The following SFMBT1 variants were observed in gnomAD, a reference collection of about 807,000 sequenced individuals.
The protein encoded by SFMBT1 is scm-like with four MBT domains protein 1.
A neutral mutation model predicts 108.7 loss-of-function variants in SFMBT1; 32 were observed. The ratio of observed to expected loss-of-function variants is 0.29; its 90% confidence interval spans 0.22 to 0.40. SFMBT1 has a LOEUF of 0.40. Among genes scored for constraint, SFMBT1 ranks in the 10% least tolerant of loss-of-function variants. The probability of loss-of-function intolerance (pLI) is 1.00; values close to 1 mark genes in which losing one functional copy is unlikely to be tolerated. For missense variants in SFMBT1, 816 were observed against 1,059.6 expected, an observed-to-expected ratio of 0.77 and a Z score of 3.19; for synonymous variants, 348 against 369.5, an observed-to-expected ratio of 0.94 and a Z score of 0.67.
chr3:53,025,947 ATTTTGCTTTCTCT>A (rs1306205212), intron 1 of SFMBT1, among the ~76,000 whole-genome samples: 1 of 152,166 alleles, frequency 6.6e-6, no homozygotes, highest in East Asian at 1.9e-4. Context: ...TTGAAAACTG[ATTTTGCTTTCTCT>A]CAGTGTTGGG....
intron 1 of SFMBT1, chr3:53,043,154 T>G (rs544147761): frequency 2.0e-5 from 3 of 152,268 alleles, no homozygotes; most frequent in Non-Finnish European, 4.4e-5. Flanking sequence ...ACCCATCTCC[T>G]TTACAGTAGG....
Position 52,934,839 on chromosome 3 carries a change from T to C in SFMBT1, c.427A>G (p.Ser143Gly), listed in dbSNP as rs545932380. 1.1e-5 allele frequency: 18 copies of C among 1,613,708 alleles called. No individual in the cohort carries two copies. The Admixed American group carries it at 2.5e-4, about 22-fold the overall frequency. Reference protein sequence around the residue: ...FLRQTLIGACSPPVPLLEGLR... With the variant: ...FLRQTLIGACGPPVPLLEGLR... ...CCCTCTAGCAGCGGAACAGGAGGACTACATGCTCCTATCAGGGTCTGCCGC... is the reference window on the plus strand; with the variant it reads ...CCCTCTAGCAGCGGAACAGGAGGACCACATGCTCCTATCAGGGTCTGCCGC... The change falls in exon 5 of 21, where the codon AGT becomes GGT. Residue 143 changes from serine (S) to glycine (G), a missense_variant. Around this residue, in one of 5 missense-constraint regions of SFMBT1, gnomAD observed 495 missense variants for 607.4 expected, o/e 0.81. Transcript: ENST00000394752.
intron 20 of SFMBT1, 103 bp from the exon 21 acceptor site, chr3:52,905,379 A>G (rs1702040858): frequency 8.3e-7 from 1 of 1,207,318 alleles, no homozygotes; most frequent in Non-Finnish European, 1.1e-6. Context: ...TGGAATCCCT[A>G]TGCTTTCCTT....
chr3:52,969,389 A>C, intron 1 of SFMBT1, 131 bp from the exon 2 acceptor site: 1 of 872,322 alleles, frequency 1.1e-6, no homozygotes, highest in East Asian at 3.4e-5. Context: ...ATAGGACTGG[A>C]GGAAAAAATT....
intron 15 of SFMBT1, among the ~76,000 whole-genome samples, 178 bp from the exon 16 acceptor site, chr3:52,912,825 A>G (rs1368863102): frequency 6.6e-6 from 1 of 152,246 alleles, no homozygotes; most frequent in African/African-American, 2.4e-5. Flanking sequence ...CCAAAGGTGC[A>G]GATAAGAGAG....
At position 52,907,165 on chromosome 3, in the gene SFMBT1, C is replaced by G; in HGVS notation, c.2235G>C (p.Glu745Asp). 1 of 1,614,200 alleles carries G rather than the reference C, an allele frequency of 6.2e-7. No homozygotes were observed. The highest frequency in any genetic ancestry group is 8.5e-7 in the Non-Finnish European group (1 of 1,180,028). The part of the protein sequence containing the change: ...KSCSSSPTQS[E>D]ISTSLPPDRQ... ...TATCTGGAGGCAGCGATGTGGATAT[C>G]TCACTTTGGGTGGGAGAAGAGGAGC... Residue 745 changes from glutamate (E) to aspartate (D), a missense_variant, in exon 19 of 21, where the codon GAG becomes GAC. This residue lies in a region of SFMBT1 where 177 missense variants were observed against 182.0 expected (regional missense o/e 0.97). Coordinates refer to ENST00000394752, the MANE Select transcript of SFMBT1 (RefSeq NM_016329.4).
At chr3:53,035,195 C>T (rs1487068184) in intron 1 of SFMBT1, among the ~76,000 whole-genome samples, 1 of 150,224 alleles carries the variant, frequency 6.7e-6, no homozygotes, top group Non-Finnish European at 1.5e-5. Context: ...TTGGACTTTA[C>T]CCGGCCAAAT....
chr3:52,991,424 A>G (rs754418490), intron 1 of SFMBT1, among the ~76,000 whole-genome samples: 4 of 138,866 alleles, frequency 2.9e-5, no homozygotes, highest in Non-Finnish European at 3.0e-5. Flanking sequence ...AGCTCACTGC[A>G]ACCTCCACCT....
chr3:52,928,647 TATATATACACATATATAC>T (rs775786089), intron 8 of SFMBT1, among the ~76,000 whole-genome samples: 33,685 of 107,896 alleles, frequency 0.31, 5,344 homozygotes, highest in Middle Eastern at 0.45. Flanking sequence ...CATATATATA[TATATATACACATATATAC>T]ATATATACAC....
chr3:52,918,957 G>T (rs1443262712), intron 12 of SFMBT1, among the ~76,000 whole-genome samples: 4 of 152,000 alleles, frequency 2.6e-5, no homozygotes, highest in African/African-American at 9.7e-5. Flanking sequence ...CAGATCATCA[G>T]GCATTAGATC....
intron 6 of SFMBT1, among the ~76,000 whole-genome samples, chr3:52,931,364 A>G (rs1449810486): frequency 2.0e-5 from 3 of 152,096 alleles, no homozygotes; most frequent in African/African-American, 7.2e-5. Flanking sequence ...AGAAATACCA[A>G]TATTATTGGT....
chr3:52,918,972 A>T (rs925455221), intron 12 of SFMBT1, among the ~76,000 whole-genome samples: 12 of 152,106 alleles, frequency 7.9e-5, no homozygotes, highest in African/African-American at 2.9e-4. Flanking sequence ...TAGATCGTGC[A>T]ACCTAGATCC....
intron 2 of SFMBT1, among the ~76,000 whole-genome samples, chr3:52,965,490 G>C (rs1171933203): frequency 6.6e-6 from 1 of 151,840 alleles, no homozygotes; most frequent in South Asian, 2.1e-4. Context: ...AAAGCGTTGC[G>C]GGTGGGAGGT....
chr3:52,932,673 A>C (rs149666961), intron 5 of SFMBT1, among the ~76,000 whole-genome samples: 58 of 152,198 alleles, frequency 3.8e-4, no homozygotes, highest in African/African-American at 1.3e-3. Context: ...TACTTTGGGA[A>C]GCTGAGGTGG....
chr3:52,916,077 T>A, intron 14 of SFMBT1, 73 bp downstream of exon 14: 1 of 1,292,330 alleles, frequency 7.7e-7, no homozygotes, highest in Non-Finnish European at 1.1e-6. Context: ...ATGTACTGTT[T>A]TAAGTTATTT....
chr3:52,938,841 C>T (rs904786933), intron 4 of SFMBT1, among the ~76,000 whole-genome samples: 3 of 152,160 alleles, frequency 2.0e-5, no homozygotes. Flanking sequence ...ATTTCCCATG[C>T]TAATGTTACC....
intron 1 of SFMBT1, among the ~76,000 whole-genome samples, chr3:53,032,087 C>G (rs1209132841): frequency 6.6e-6 from 1 of 152,190 alleles, no homozygotes; most frequent in African/African-American, 2.4e-5. Context: ...GATGTCCAGC[C>G]AGCTGGATAC....
intron 2 of SFMBT1, among the ~76,000 whole-genome samples, chr3:52,955,349 G>A (rs1703744198): frequency 6.6e-6 from 1 of 151,924 alleles, no homozygotes; most frequent in South Asian, 2.1e-4. Flanking sequence ...GGAGGCAGAG[G>A]TTGCAGTGAG....
chr3:52,927,968 T>C (rs1575379168), intron 9 of SFMBT1, among the ~76,000 whole-genome samples: 3 of 152,304 alleles, frequency 2.0e-5, no homozygotes, highest in South Asian at 4.2e-4. Flanking sequence ...AGTCAGAGGA[T>C]AGAACGCACT....
Sources: allele counts gnomAD v4.1 joint callset (sites outside exome capture counted in the v4.1 genomes callset), GRCh38; gene constraint gnomAD v4.1.1; regional missense constraint gnomAD v4.1.1; transcripts MANE v1.5; gene names NCBI Gene and HGNC (gene_info 2026-07-23, HGNC 2026-07-21).